AKAP6: variants seen among roughly 807,000 people sequenced by gnomAD.
AKAP6 encodes the protein A-kinase anchoring protein 6.
In AKAP6, 58 loss-of-function variants were observed where a neutral mutation model predicts 188.5. That is an observed-to-expected ratio of 0.31 (90% CI 0.25 to 0.38). AKAP6 has a LOEUF of 0.38. Among genes scored for constraint, AKAP6 ranks in the 10% least tolerant of loss-of-function variants. The probability of loss-of-function intolerance (pLI) is 1.00; values close to 1 mark genes in which losing one functional copy is unlikely to be tolerated. For missense variants in AKAP6, 2,710 were observed against 2,740.0 expected, an observed-to-expected ratio of 0.99 and a Z score of 0.24; for synonymous variants, 989 against 998.6, an observed-to-expected ratio of 0.99 and a Z score of 0.18.
At chr14:32,373,897 T>C (rs1261831852) in intron 1 of AKAP6, among the ~76,000 whole-genome samples, 1 of 152,190 alleles carries the variant, frequency 6.6e-6, no homozygotes, top group African/African-American at 2.4e-5. Context: ...GAAAAACCCT[T>C]ACTCCATAAT....
rs1555333490 is a variant in AKAP6 at position 32,492,355 on chromosome 14, TAGAGAGAG to T, written c.325-43178_325-43171del. ...ACATTGTAATATATATATATATATA[TAGAGAGAG>T]AGAGAGAGAGAGAGAGAGAGGCATT... On this transcript the variant is annotated intron_variant, in intron 2 of 13. Transcript: ENST00000280979. 2.3e-4 allele frequency among the ~76,000 whole-genome samples: 19 copies of T among 82,598 alleles called. 1 individual carries two copies. The highest frequency in any genetic ancestry group is 3.6e-4 in the African/African-American group (11 of 30,246). The allele number at this position is 82,598 out of a possible 152,430, so 54.2% of individuals were successfully genotyped here. A position where few individuals can be genotyped will look rare whatever the true frequency, so the allele number is the denominator to read the frequency against.
At chr14:32,483,077 A>T (rs1879449228) in intron 2 of AKAP6, among the ~76,000 whole-genome samples, 1 of 151,766 alleles carries the variant, frequency 6.6e-6, no homozygotes, top group African/African-American at 2.4e-5. Flanking sequence ...ACACTAATTT[A>T]CATTCTTCCC....
intron 9 of AKAP6, among the ~76,000 whole-genome samples, chr14:32,721,238 T>G (rs2030519046): frequency 6.6e-6 from 1 of 152,178 alleles, no homozygotes; most frequent in Admixed American, 6.5e-5. Flanking sequence ...GATGTGTAGA[T>G]TTTCAATGTA....
intron 9 of AKAP6, among the ~76,000 whole-genome samples, chr14:32,724,990 TAAAAAAAAAAAAAAA>T (rs71432079): frequency 2.9e-5 from 1 of 34,900 alleles, no homozygotes; most frequent in Non-Finnish European, 4.7e-5. Context: ...ATATTCAACC[TAAAAAAAAAAAAAAA>T]AAAAAAAAAA....
intron 8 of AKAP6, among the ~76,000 whole-genome samples, chr14:32,695,541 T>C (rs542757893): frequency 2.6e-5 from 4 of 152,308 alleles, no homozygotes; most frequent in African/African-American, 9.6e-5. Flanking sequence ...GGAAGTAATA[T>C]CTGTAGAATA....
intron 7 of AKAP6, among the ~76,000 whole-genome samples, chr14:32,673,160 G>A (rs190761484): frequency 6.2e-4 from 95 of 152,244 alleles, no homozygotes; most frequent in South Asian, 3.5e-3. Flanking sequence ...CACCTGACAA[G>A]GTCAGACCCA....
intron 2 of AKAP6, among the ~76,000 whole-genome samples, chr14:32,508,958 G>A (rs1029296310): frequency 6.6e-6 from 1 of 150,800 alleles, no homozygotes; most frequent in African/African-American, 2.4e-5. Flanking sequence ...CCAGGTAGCT[G>A]GGACTATAGG....
chr14:32,698,616 C>G (rs143560540), intron 9 of AKAP6, among the ~76,000 whole-genome samples: 96 of 152,200 alleles, frequency 6.3e-4, no homozygotes, highest in Middle Eastern at 6.8e-3. Context: ...TGTGACAACT[C>G]AACGAGACCT....
chr14:32,354,628 C>G (rs763270191), intron 1 of AKAP6, among the ~76,000 whole-genome samples: 20 of 152,330 alleles, frequency 1.3e-4, no homozygotes, highest in Non-Finnish European at 2.1e-4. Context: ...TCAAATCTTT[C>G]TTTCAACCCT....
intron 1 of AKAP6, among the ~76,000 whole-genome samples, chr14:32,359,719 A>G (rs1887598706): frequency 6.6e-6 from 1 of 152,104 alleles, no homozygotes; most frequent in Non-Finnish European, 1.5e-5. Flanking sequence ...TTTGAAGACT[A>G]ATGGTCAGGT....
At chr14:32,470,224 C>T (rs1878696910) in intron 2 of AKAP6, among the ~76,000 whole-genome samples, 3 of 152,104 alleles carry the variant, frequency 2.0e-5, no homozygotes, top group Admixed American at 2.0e-4. Flanking sequence ...CACCTGGGAA[C>T]TGTTAGAAAT....
Position 32,608,985 on chromosome 14 carries a change from G to T in AKAP6, c.2730+8193G>T, listed in dbSNP as rs138894831. Reference sequence around the variant, plus strand: ...AAACTAATAAGTAAATTCTTTGAAAGTGTGAAACAATTACCTCAGTGTGTG... The same window carrying T: ...AAACTAATAAGTAAATTCTTTGAAATTGTGAAACAATTACCTCAGTGTGTG... On this transcript the variant is annotated intron_variant, in intron 7 of 13. Coordinates refer to ENST00000280979, the MANE Select transcript of AKAP6 (RefSeq NM_004274.5). Among the ~76,000 whole-genome samples the T allele has an allele frequency of 3.9e-3, 596 of 152,298 alleles. 1 individual carries two copies. Among genetic ancestry groups the T allele is most frequent in the African/African-American group, 0.014 (577 of 41,570 alleles).
In AKAP6 at chr14:32,836,482, G is replaced by T. The variant is rs1293019162; in HGVS notation, c.*6677G>T. On this transcript the variant is annotated 3_prime_UTR_variant, in exon 14 of 14. Transcript: ENST00000280979. ...AGGTTTCAACATACCAATTTTGGGG[G>T]TACACAAATATTGAGGTGATAGACA... is the stretch of plus-strand genomic sequence containing the variant. 6.6e-6 allele frequency: 1 copy of T among 152,036 alleles called. No individual in the cohort carries two copies. The highest frequency in any genetic ancestry group is 1.5e-5 in the Non-Finnish European group (1 of 68,036). The allele number at this position is 152,036 out of a possible 1,614,324, so 9.4% of individuals were successfully genotyped here. A position where few individuals can be genotyped will look rare whatever the true frequency, so the allele number is the denominator to read the frequency against.
intron 2 of AKAP6, among the ~76,000 whole-genome samples, chr14:32,510,458 A>G (rs76854155): frequency 0.026 from 1,906 of 73,504 alleles, 149 homozygotes; most frequent in African/African-American, 0.087. Flanking sequence ...ATACATATAT[A>G]TGTGTATATA....
At chr14:32,790,605 AATTT>A (rs1442583481) in intron 12 of AKAP6, among the ~76,000 whole-genome samples, 2 of 152,028 alleles carry the variant, frequency 1.3e-5, no homozygotes, top group South Asian at 2.1e-4. Context: ...TTTCTTAATT[AATTT>A]ATTTATTATA....
chr14:32,434,449 T>C (rs1049568339), intron 2 of AKAP6, among the ~76,000 whole-genome samples: 1 of 152,164 alleles, frequency 6.6e-6, no homozygotes, highest in Non-Finnish European at 1.5e-5. Flanking sequence ...GTACTACTAA[T>C]AGCGTTTTTG....
At chr14:32,548,941 A>C (rs1242648347) in intron 4 of AKAP6, among the ~76,000 whole-genome samples, 1 of 152,172 alleles carries the variant, frequency 6.6e-6, no homozygotes, top group Admixed American at 6.5e-5. Context: ...TCGTTGTCGA[A>C]TACTACTCTG....
At chr14:32,789,366 C>G (rs73256940) in intron 12 of AKAP6, among the ~76,000 whole-genome samples, 1,530 of 152,344 alleles carry the variant, frequency 0.01, 25 homozygotes, top group African/African-American at 0.034. Flanking sequence ...CCTGCTCTAC[C>G]AAACAGCAGC....
At chr14:32,562,278 T>A (rs1302998112) in intron 4 of AKAP6, among the ~76,000 whole-genome samples, 2 of 152,214 alleles carry the variant, frequency 1.3e-5, no homozygotes, top group Admixed American at 1.3e-4. Flanking sequence ...GTCTAGAGAC[T>A]AGTACTACTT....
Sources: allele counts gnomAD v4.1 joint callset (sites outside exome capture counted in the v4.1 genomes callset), GRCh38; gene constraint gnomAD v4.1.1; transcripts MANE v1.5; gene names NCBI Gene and HGNC (gene_info 2026-07-23, HGNC 2026-07-21).